MFHAS1: variants seen among roughly 807,000 people sequenced by gnomAD.
The protein encoded by MFHAS1 is multifunctional ROCO family signaling regulator 1, also known as malignant fibrous histiocytoma-amplified sequence 1.
In MFHAS1, 50 loss-of-function variants were observed where a neutral mutation model predicts 70.4. The ratio of observed to expected loss-of-function variants is 0.71; its 90% CI spans 0.57 to 0.90. The LOEUF (loss-of-function observed/expected upper bound fraction) is 0.90. MFHAS1 is among the 40% of genes least tolerant of loss of function. The pLI is 0.00. For synonymous variants in MFHAS1, 952 were observed against 620.0 expected, an observed-to-expected ratio of 1.54 and a Z score of -7.96; for missense variants, 1,795 against 1,347.6, an observed-to-expected ratio of 1.33 and a Z score of -5.20.
In MFHAS1 at chr8:8,891,097, G is replaced by A. The variant is rs1238593947; in HGVS notation, c.1962C>T (p.Asn654=). 5 of 1,613,868 alleles carry A rather than the reference G, an allele frequency of 3.1e-6. No homozygotes were observed. The highest frequency in any genetic ancestry group is 4.2e-6 in the Non-Finnish European group (5 of 1,180,012). ...SVAEHREIFP[N]LHRVLPRSWQ... is the part of the protein sequence containing the mutation. The stretch of plus-strand genomic sequence containing the variant: ...AGGATCGAGGCAGTACTCTGTGTAA[G>A]TTGGGGAAGATCTCTCGGTGCTCAG... Residue 654 remains asparagine (N), a synonymous_variant, in exon 1 of 3, where the codon AAC becomes AAT. Coordinates refer to ENST00000276282, the MANE Select transcript of MFHAS1 (RefSeq NM_004225.3). This position sits in a 1 kb window ranked among gnomAD's most constrained non-coding sequence, Gnocchi z 5.4.
intron 1 of MFHAS1, among the ~76,000 whole-genome samples, chr8:8,799,750 C>T (rs905058784): frequency 2.6e-5 from 4 of 152,176 alleles, no homozygotes; most frequent in Admixed American, 1.3e-4. Context: ...AGTGAGACTC[C>T]GTCTCAAAGA....
intron 2 of MFHAS1, among the ~76,000 whole-genome samples, chr8:8,791,964 AGGCACGGTGGCTCACGCCTGTAAT>A (rs1805732905): frequency 6.6e-6 from 1 of 152,188 alleles, no homozygotes; most frequent in Non-Finnish European, 1.5e-5. Flanking sequence ...GAAATCGGCC[AGGCACGGTGGCTCACGCCTGTAAT>A]CCCAGCACTC....
intron 1 of MFHAS1, among the ~76,000 whole-genome samples, chr8:8,854,949 C>A (rs983557229): frequency 5.9e-5 from 9 of 151,908 alleles, no homozygotes; most frequent in Non-Finnish European, 7.4e-5. Context: ...TCACTCTATA[C>A]CCCACGCTGG....
chr8:8,811,602 G>A (rs1463204303), intron 1 of MFHAS1, among the ~76,000 whole-genome samples: 1 of 152,212 alleles, frequency 6.6e-6, no homozygotes, highest in Non-Finnish European at 1.5e-5. Flanking sequence ...TCTCCTTTGG[G>A]TAACTAACGT....
chr8:8,892,641 G>T lies in MFHAS1; in HGVS notation c.418C>A (p.Leu140Ile). The T allele has an allele frequency of 6.3e-7, 1 of 1,599,046 alleles. No homozygotes were observed. The highest frequency in any genetic ancestry group is 8.5e-7 in the Non-Finnish European group (1 of 1,173,650). ...VVSALRELRK[L>I]NLSHNQLPAL... is the part of the protein sequence containing the mutation. The stretch of plus-strand genomic sequence containing the variant: ...GGCAGCTGGTTGTGGCTGAGGTTGA[G>T]CTTCCGCAGCTCCCTCAGAGCACTC... Residue 140 changes from leucine (L) to isoleucine (I), a missense_variant, in exon 1 of 3, where the codon CTC becomes ATC. Leu to Ile is a conservative substitution (Grantham distance 5). Transcript: ENST00000276282. This position sits in a 1 kb window ranked among gnomAD's most constrained non-coding sequence, Gnocchi z 4.7.
At chr8:8,877,317 A>AAAAAAAC (rs1328870575) in intron 1 of MFHAS1, among the ~76,000 whole-genome samples, 2 of 151,548 alleles carry the variant, frequency 1.3e-5, no homozygotes, top group Non-Finnish European at 2.9e-5. Context: ...AAAAAAAAAA[A>AAAAAAAC]AAACTACGGT....
In MFHAS1 at chr8:8,816,884, C is replaced by G. The variant is rs117043963; in HGVS notation, c.2999-19393G>C. 6.6e-4 allele frequency among the ~76,000 whole-genome samples: 101 copies of G among 152,258 alleles called. 1 individual carries two copies. In the East Asian group the frequency reaches 0.017, roughly 26 times the overall value. The stretch of plus-strand genomic sequence containing the variant: ...TAAGCCAAGGTTAACATACTCTTAC[C>G]CATCTCTAATCAACTAAAGACATAT... On this transcript the variant is annotated intron_variant, in intron 1 of 2. Transcript: ENST00000276282.
chr8:8,787,256 A>AT (rs1463872050), intron 2 of MFHAS1, among the ~76,000 whole-genome samples: 1 of 151,960 alleles, frequency 6.6e-6, no homozygotes, highest in Non-Finnish European at 1.5e-5. Context: ...AATTTTTTGC[A>AT]TTTTTAGTAG....
intron 1 of MFHAS1, among the ~76,000 whole-genome samples, chr8:8,817,676 C>T (rs951128882): frequency 6.6e-6 from 1 of 152,194 alleles, no homozygotes; most frequent in African/African-American, 2.4e-5. Flanking sequence ...AAACCAGTTT[C>T]GTGGAAGATG....
intron 2 of MFHAS1, among the ~76,000 whole-genome samples, chr8:8,796,716 C>CAAAAAAAGG (rs1805913660): frequency 8.6e-6 from 1 of 116,492 alleles, no homozygotes; most frequent in Non-Finnish European, 1.7e-5. Context: ...CAAAAAAAGG[C>CAAAAAAAGG]CGGACGTGGT....
Position 8,797,170 on chromosome 8 carries a change from A to T in MFHAS1, c.3125+195T>A, listed in dbSNP as rs538818925. Among the ~76,000 whole-genome samples the T allele has an allele frequency of 5.3e-5, 8 of 151,316 alleles. No individual in the cohort carries two copies. In the South Asian group the frequency reaches 1.7e-3, roughly 32 times the overall value. ...TAAAGTAAAAAAAAAAAAAAAAATC[A>T]CAAAAAAGAGGAAATAAAAGTTCCT... On this transcript the variant is annotated intron_variant, in intron 2 of 2. Transcript: ENST00000276282.
intron 1 of MFHAS1, among the ~76,000 whole-genome samples, chr8:8,856,754 G>A (rs1808454556): frequency 6.6e-6 from 1 of 152,004 alleles, no homozygotes; most frequent in Non-Finnish European, 1.5e-5. Context: ...CCCCCATGAT[G>A]TCTGGTCAAT....
intron 1 of MFHAS1, among the ~76,000 whole-genome samples, chr8:8,860,772 T>TC (rs1808630493): frequency 6.6e-6 from 1 of 152,238 alleles, no homozygotes; most frequent in Non-Finnish European, 1.5e-5. Flanking sequence ...GACCTTTTTT[T>TC]CTCTTGAAAA....
chr8:8,863,326 A>G (rs1163031565), intron 1 of MFHAS1, among the ~76,000 whole-genome samples: 7 of 152,232 alleles, frequency 4.6e-5, no homozygotes, highest in Non-Finnish European at 8.8e-5. Flanking sequence ...CCCAATGGAT[A>G]TATCACAGGA....
At chr8:8,811,032 CT>C (rs1806527764) in intron 1 of MFHAS1, among the ~76,000 whole-genome samples, 1 of 152,228 alleles carries the variant, frequency 6.6e-6, no homozygotes, top group African/African-American at 2.4e-5. Context: ...CAACTTTCTC[CT>C]TTTGCTCATG....
chr8:8,792,089 T>A (rs1288455654), intron 2 of MFHAS1, among the ~76,000 whole-genome samples: 1 of 151,608 alleles, frequency 6.6e-6, no homozygotes, highest in African/African-American at 2.4e-5. Context: ...AATACAAAAA[T>A]TAGCCAGGCA....
At chr8:8,883,782 A>C (rs4841063) in intron 1 of MFHAS1, among the ~76,000 whole-genome samples, 33,566 of 150,660 alleles carry the variant, frequency 0.22, 4,792 homozygotes, top group African/African-American at 0.4. Flanking sequence ...GAGAAGAAAA[A>C]CAGAAATGTC....
chr8:8,833,126 C>T (rs1172168825), intron 1 of MFHAS1, among the ~76,000 whole-genome samples: 1 of 152,116 alleles, frequency 6.6e-6, no homozygotes, highest in African/African-American at 2.4e-5. Context: ...AACCAGATCC[C>T]ATGAGAATTC....
At chr8:8,833,575 G>C (rs923862269) in intron 1 of MFHAS1, among the ~76,000 whole-genome samples, 2 of 152,142 alleles carry the variant, frequency 1.3e-5, no homozygotes, top group Non-Finnish European at 1.5e-5. Flanking sequence ...GCTGCAGTGA[G>C]CCACGATTGC....
Sources: gnomAD v4.1 joint callset for allele counts (sites outside exome capture counted in the v4.1 genomes callset) on GRCh38, gnomAD v4.1.1 for gene constraint, Gnocchi (gnomAD v3.1) non-coding constraint, MANE v1.5 for transcripts, NCBI Gene and HGNC (gene_info 2026-07-23, HGNC 2026-07-21) for gene names.